Variants in ARLN observed in about 807,000 individuals in gnomAD.
The protein encoded by ARLN is allregulin.
At chr4:119,301,136 G>A in the ARLN span, among the ~76,000 whole-genome samples, 4,180 of 150,908 alleles carry the variant, frequency 0.028, 75 homozygotes, top group South Asian at 0.067. Context: ...TAACCTGGCC[G>A]CGCCCCCCTG....
At chr4:119,302,039 A>G in the ARLN span, among the ~76,000 whole-genome samples, 2 of 152,216 alleles carry the variant, frequency 1.3e-5, no homozygotes, top group African/African-American at 4.8e-5. Flanking sequence ...GTGGCATTGA[A>G]TCTTTACAAA....
chr4:119,301,141 C>T, the ARLN span, among the ~76,000 whole-genome samples: 2,750 of 151,622 alleles, frequency 0.018, 39 homozygotes, highest in Non-Finnish European at 0.029. Flanking sequence ...TGGCCGCGCC[C>T]CCCTGTAATC....
chr4:119,301,142 C>G, the ARLN span, among the ~76,000 whole-genome samples: 5 of 151,388 alleles, frequency 3.3e-5, no homozygotes, highest in Non-Finnish European at 4.4e-5. Context: ...GGCCGCGCCC[C>G]CCTGTAATCC....
the ARLN span, chr4:119,304,440 G>T: frequency 1.3e-6 from 2 of 1,520,772 alleles, no homozygotes; most frequent in South Asian, 1.2e-5. Flanking sequence ...TTATTAGACT[G>T]GTCATCTTTC....
the ARLN span, chr4:119,300,996 A>G: frequency 6.0e-6 from 3 of 504,148 alleles, no homozygotes; most frequent in East Asian, 3.1e-5. Flanking sequence ...TACTGTCTCT[A>G]GCATTTGACA....
At chr4:119,300,570 C>G in the ARLN span, 7 of 1,614,086 alleles carry the variant, frequency 4.3e-6, no homozygotes, top group East Asian at 1.6e-4. Context: ...CCCTAGAAAC[C>G]GAAAATGCTT....
chr4:119,301,981 G>A, the ARLN span, among the ~76,000 whole-genome samples: 1 of 152,184 alleles, frequency 6.6e-6, no homozygotes, highest in Admixed American at 6.5e-5. Flanking sequence ...ATTGTGTGCT[G>A]TAATACAGAT....
the ARLN span, among the ~76,000 whole-genome samples, chr4:119,302,989 G>C: frequency 6.6e-6 from 1 of 152,122 alleles, no homozygotes; most frequent in East Asian, 1.9e-4. Context: ...GATCATCCTA[G>C]GAATTAAATT....
chr4:119,303,924 G>A, the ARLN span, among the ~76,000 whole-genome samples: 1 of 152,256 alleles, frequency 6.6e-6, no homozygotes, highest in Non-Finnish European at 1.5e-5. Context: ...TAACTAGGTT[G>A]CAGCTTCTCT....
the ARLN span, chr4:119,297,908 G>A: frequency 6.6e-6 from 1 of 152,598 alleles, no homozygotes; most frequent in Admixed American, 6.5e-5. Context: ...TAAGCTCCAT[G>A]AAGGCAAGAA....
chr4:119,297,118 T>C, the ARLN span: 1 of 152,242 alleles, frequency 6.6e-6, no homozygotes, highest in Non-Finnish European at 1.5e-5. Flanking sequence ...ACACAGTTGA[T>C]TTGGTAAACT....
the ARLN span, among the ~76,000 whole-genome samples, chr4:119,303,822 A>G: frequency 5.3e-5 from 8 of 152,150 alleles, no homozygotes; most frequent in African/African-American, 1.7e-4. Flanking sequence ...GCTGCAGTGA[A>G]CTGTTATTGT....
chr4:119,298,363 T>C, the ARLN span: 1 of 154,680 alleles, frequency 6.5e-6, no homozygotes, highest in East Asian at 1.9e-4. Flanking sequence ...TTTTGAATAA[T>C]TGACTTTTGA....
chr4:119,304,263 A>G, the ARLN span: 63 of 1,536,258 alleles, frequency 4.1e-5, no homozygotes, highest in South Asian at 6.7e-4. Flanking sequence ...AAAACTTCAC[A>G]TTTAACTTGT....
the ARLN span, among the ~76,000 whole-genome samples, chr4:119,303,455 G>C: frequency 6.7e-6 from 1 of 150,134 alleles, no homozygotes; most frequent in South Asian, 2.2e-4. Flanking sequence ...GGCTGGTCTT[G>C]AACTCCTGAC....
chr4:119,296,926 C>T, the ARLN span: 1 of 152,158 alleles, frequency 6.6e-6, no homozygotes, highest in Non-Finnish European at 1.5e-5. Flanking sequence ...TGATTTTAGG[C>T]TCAAAAAGGC....
At chr4:119,301,161 T>G in the ARLN span, among the ~76,000 whole-genome samples, 10 of 150,196 alleles carry the variant, frequency 6.7e-5, no homozygotes, top group South Asian at 1.9e-3. Flanking sequence ...CCCAGCACTT[T>G]GAGAGGCCGA....
At chr4:119,301,438 G>A in the ARLN span, among the ~76,000 whole-genome samples, 1 of 151,768 alleles carries the variant, frequency 6.6e-6, no homozygotes, top group East Asian at 1.9e-4. Context: ...GGGGAAATGG[G>A]GGTGGGAAGA....
chr4:119,300,632 C>G, the ARLN span: 2 of 1,588,314 alleles, frequency 1.3e-6, no homozygotes, highest in Non-Finnish European at 1.7e-6. Flanking sequence ...GGAGTCCGGC[C>G]GCCTGCGCAG....
Sources: allele counts gnomAD v4.1 joint callset (sites outside exome capture counted in the v4.1 genomes callset), GRCh38; gene constraint gnomAD v4.1.1; transcripts MANE v1.5; gene names NCBI Gene and HGNC (gene_info 2026-07-23, HGNC 2026-07-21).